SNX29: variants seen among roughly 807,000 people sequenced by gnomAD.
The protein encoded by SNX29 is sorting nexin 29.
SNX29 carries 78 observed loss-of-function variants against 102.1 expected under a neutral mutation model. The observed-to-expected ratio is 0.76, with a 90% CI of 0.64 to 0.92. The LOEUF (loss-of-function observed/expected upper bound fraction) is 0.92, where lower values mean the gene tolerates loss of function less well. SNX29 is among the 40% of genes least tolerant of loss of function. The pLI, the probability that SNX29 is intolerant of heterozygous loss-of-function variation, is 0.00. For synonymous variants in SNX29, 580 were observed against 414.5 expected (o/e 1.40, Z -4.85); for missense variants, 1,280 against 1,061.7 (o/e 1.21, Z -2.86).
intron 13 of SNX29, among the ~76,000 whole-genome samples, chr16:12,192,726 A>C (rs1032069038): frequency 4.6e-5 from 7 of 151,904 alleles, no homozygotes; most frequent in African/African-American, 1.5e-4. Context: ...ATTTATTGAG[A>C]CAAGGTCTCA....
chr16:12,314,164 AT>A (rs1004920740), intron 15 of SNX29, among the ~76,000 whole-genome samples: 1 of 151,534 alleles, frequency 6.6e-6, no homozygotes, highest in Non-Finnish European at 1.5e-5. Context: ...CTATTTTTTT[AT>A]TTTTTTTAAC....
At position 12,038,375 on chromosome 16, in the gene SNX29, T is replaced by C. The variant is rs192458494; in HGVS notation, c.248-4522T>C. On this transcript the variant is annotated intron_variant, in intron 4 of 20. Transcript: ENST00000566228. ...TTTCCCAAAAGCCTGGTGCTGTTAG[T>C]GTCCTCTGTTAACAGGTGCCCCGGG... Among the ~76,000 whole-genome samples, 134 of 152,298 alleles carry C rather than the reference T, an allele frequency of 8.8e-4. 1 individual carries two copies. The highest frequency in any genetic ancestry group is 3.4e-3 in the Middle Eastern group (1 of 294).
At chr16:12,369,709 A>G (rs2082613879) in intron 16 of SNX29, among the ~76,000 whole-genome samples, 2 of 152,110 alleles carry the variant, frequency 1.3e-5, no homozygotes, top group South Asian at 4.1e-4. Flanking sequence ...TTTCTGCTAA[A>G]TTAACACACA....
intron 3 of SNX29, among the ~76,000 whole-genome samples, chr16:12,023,848 C>G (rs2057105471): frequency 6.6e-6 from 1 of 152,160 alleles, no homozygotes; most frequent in Non-Finnish European, 1.5e-5. Flanking sequence ...TTTTAACTCA[C>G]CTGGATTCAA....
At chr16:12,061,447 G>A in intron 8 of SNX29, 81 bp from the exon 9 acceptor site, 1 of 1,170,266 alleles carries the variant, frequency 8.5e-7, no homozygotes, top group Non-Finnish European at 1.2e-6. Flanking sequence ...GTTCTCAGGA[G>A]GGTGCTGTGG....
chr16:12,046,466 C>T lies in SNX29; in HGVS notation c.499+12C>T. The T allele has an allele frequency of 6.2e-7, 1 of 1,613,666 alleles. No homozygotes were observed. The highest frequency in any genetic ancestry group is 8.5e-7 in the Non-Finnish European group (1 of 1,179,686). On this transcript the variant is annotated intron_variant, in intron 6 of 20. Transcript: ENST00000566228. ...TACCATGGCAGCAGGTAAGCCTGGC[C>T]CAGACCAGGGTGCAGGGCCTTGTGA... is the stretch of plus-strand genomic sequence containing the variant.
intron 15 of SNX29, among the ~76,000 whole-genome samples, chr16:12,328,308 AG>A (rs1343197016): frequency 6.6e-6 from 1 of 152,174 alleles, no homozygotes; most frequent in Non-Finnish European, 1.5e-5. Flanking sequence ...TTTCAGCTAT[AG>A]ATTATTTATT....
chr16:12,058,915 CT>C lies in SNX29; in HGVS notation c.1125-2612del, dbSNP rs377056575. Among the ~76,000 whole-genome samples, 1,135 of 151,630 alleles carry C rather than the reference CT, an allele frequency of 7.5e-3. 7 individuals are homozygous for C. The highest frequency in any genetic ancestry group is 0.026 in the African/African-American group (1,066 of 41,308). On this transcript the variant is annotated intron_variant, in intron 8 of 20. Transcript: ENST00000566228. ...TCAAGGGATCCTCCCACCTCAGCCCCTCCAGTAGCTGGGTCTACAGGTGTGC... is the reference window on the plus strand; with the variant it reads ...TCAAGGGATCCTCCCACCTCAGCCCCCCAGTAGCTGGGTCTACAGGTGTGC...
chr16:12,323,191 C>T (rs2081008114), intron 15 of SNX29, among the ~76,000 whole-genome samples: 1 of 130,048 alleles, frequency 7.7e-6, no homozygotes, highest in African/African-American at 2.9e-5. Context: ...CCGGGGACCA[C>T]TGTCAGGATG....
intron 14 of SNX29, among the ~76,000 whole-genome samples, chr16:12,272,196 T>C (rs951681372): frequency 6.6e-6 from 1 of 152,246 alleles, no homozygotes; most frequent in Non-Finnish European, 1.5e-5. Context: ...TGAAGGTTGC[T>C]GATTCTTCTT....
intron 20 of SNX29, chr16:12,546,818 A>G (rs747939942): frequency 6.6e-6 from 1 of 152,232 alleles, no homozygotes; most frequent in East Asian, 1.9e-4. Context: ...TTGCTTTCAA[A>G]ATATATGAAA....
rs2088372563 is a variant in SNX29, at chr16:12,488,586, G to A, written c.2178+10727G>A. On this transcript the variant is annotated intron_variant, in intron 19 of 20. Coordinates refer to ENST00000566228, the MANE Select transcript of SNX29 (RefSeq NM_032167.5). Reference sequence around the variant, plus strand: ...AATAACGAACTGAAGCTGTGTGGAAGTCATTGTGTAGCACCGGCTTTGCTG... The same window carrying A: ...AATAACGAACTGAAGCTGTGTGGAAATCATTGTGTAGCACCGGCTTTGCTG... 2.0e-5 allele frequency among the ~76,000 whole-genome samples: 3 copies of A among 152,278 alleles called. No individual in the cohort carries two copies. In the South Asian group the frequency reaches 6.2e-4, roughly 32 times the overall value.
At chr16:12,405,631 A>ATT (rs1446654944) in intron 18 of SNX29, among the ~76,000 whole-genome samples, 1 of 152,230 alleles carries the variant, frequency 6.6e-6, no homozygotes, top group Non-Finnish European at 1.5e-5. Flanking sequence ...GTTTGGAAGC[A>ATT]TTTTAGAAAT....
At chr16:12,565,563 G>A (rs988118453) in intron 20 of SNX29, among the ~76,000 whole-genome samples, 3 of 152,046 alleles carry the variant, frequency 2.0e-5, no homozygotes, top group African/African-American at 4.8e-5. Context: ...TGTCACAGAA[G>A]CCTACTGTCA....
intron 10 of SNX29, among the ~76,000 whole-genome samples, chr16:12,069,955 G>GGCGTGA (rs200163428): frequency 0.32 from 48,387 of 151,746 alleles, 7,744 homozygotes; most frequent in African/African-American, 0.38. Flanking sequence ...TGGGATTACA[G>GGCGTGA]GCCACCGTGC....
chr16:12,052,536 A>C (rs1039859034), intron 8 of SNX29: 5 of 330,504 alleles, frequency 1.5e-5, no homozygotes, highest in African/African-American at 1.1e-4. Context: ...ACTTTTAATG[A>C]GGGGGTTAAG....
chr16:12,090,385 C>T (rs935370432), intron 11 of SNX29: 4 of 152,296 alleles, frequency 2.6e-5, no homozygotes, highest in Admixed American at 2.6e-4. Flanking sequence ...AATGCAGAGG[C>T]AGTGGGAGGG....
chr16:12,460,648 G>A (rs1009528747), intron 18 of SNX29, among the ~76,000 whole-genome samples: 1 of 148,370 alleles, frequency 6.7e-6, no homozygotes, highest in East Asian at 2.0e-4. Flanking sequence ...CCTCACAAAT[G>A]TGTGAACTCT....
intron 14 of SNX29, among the ~76,000 whole-genome samples, chr16:12,208,174 TG>T (rs945285573): frequency 1.4e-4 from 22 of 152,170 alleles, no homozygotes; most frequent in African/African-American, 5.1e-4. Flanking sequence ...TCACATTCCA[TG>T]GGTGAGGGCT....
Sources: gnomAD v4.1 joint callset for allele counts (sites outside exome capture counted in the v4.1 genomes callset) on GRCh38, gnomAD v4.1.1 for gene constraint, MANE v1.5 for transcripts, NCBI Gene and HGNC (gene_info 2026-07-23, HGNC 2026-07-21) for gene names.